The following MIA2 variants were observed in gnomAD, a reference collection of about 807,000 sequenced individuals.
The protein encoded by MIA2 is melanoma inhibitory activity protein 2.
In MIA2, 127 loss-of-function variants were observed where a neutral mutation model predicts 167.8. The observed-to-expected ratio is 0.76, with a 90% CI of 0.66 to 0.88. The LOEUF (loss-of-function observed/expected upper bound fraction) is 0.88. Among genes scored for constraint, MIA2 ranks in the 40% least tolerant of loss-of-function variants. The probability of loss-of-function intolerance (pLI) is 0.00; values close to 1 mark genes in which losing one functional copy is unlikely to be tolerated. For synonymous variants in MIA2, 552 were observed against 541.9 expected, an observed-to-expected ratio of 1.02 and a Z score of -0.26; for missense variants, 1,690 against 1,624.7, an observed-to-expected ratio of 1.04 and a Z score of -0.69.
intron 10 of MIA2, among the ~76,000 whole-genome samples, 177 bp downstream of exon 10, chr14:39,291,273 ATAT>A (rs1423549259): frequency 1.3e-5 from 2 of 152,240 alleles, no homozygotes; most frequent in African/African-American, 2.4e-5. Context: ...GTAGCATAAA[ATAT>A]TATAAAAATT....
At chr14:39,283,479 A>C (rs1485714656) in intron 9 of MIA2, among the ~76,000 whole-genome samples, 1 of 152,138 alleles carries the variant, frequency 6.6e-6, no homozygotes, top group Non-Finnish European at 1.5e-5. Context: ...TGAAGAAAAC[A>C]ATGTTATTCA....
At chr14:39,275,510 A>C (rs2057870539) in intron 6 of MIA2, among the ~76,000 whole-genome samples, 1 of 152,216 alleles carries the variant, frequency 6.6e-6, no homozygotes, top group African/African-American at 2.4e-5. Flanking sequence ...GAATCTAAGA[A>C]ATATTATTGT....
chr14:39,245,783 T>C (rs10140832), intron 3 of MIA2, among the ~76,000 whole-genome samples: 85,184 of 151,840 alleles, frequency 0.56, 24,664 homozygotes, highest in East Asian at 0.74. Context: ...CCCGCTCATG[T>C]AGTAATGGCA....
chr14:39,278,119 G>A (rs557294163), intron 7 of MIA2, among the ~76,000 whole-genome samples: 3 of 151,926 alleles, frequency 2.0e-5, no homozygotes, highest in Non-Finnish European at 2.9e-5. Flanking sequence ...GACTACAGGC[G>A]TGCACTACCA....
rs144877390 is a variant in MIA2 at position 39,327,016 on chromosome 14, C to T, written c.3649C>T (p.Pro1217Ser). 9.9e-6 allele frequency: 15 copies of T among 1,519,556 alleles called. No homozygotes were observed. Among genetic ancestry groups the T allele is most frequent in the Non-Finnish European group, 1.3e-5 (15 of 1,139,500 alleles). The allele number at this position is 1,519,556 out of a possible 1,614,324, so 94.1% of individuals were successfully genotyped here. Reference sequence around the variant, plus strand: ...CCAGGACCGTAGGATGATGTTTCCTCCGCCAGGTATGTAAAGACAATAGTT... The same window carrying T: ...CCAGGACCGTAGGATGATGTTTCCTTCGCCAGGTATGTAAAGACAATAGTT... ...WDQDRRMMFP[P>S]PGQSYPDSAL... The change falls in exon 25 of 29, where the codon CCG becomes TCG. Residue 1217 changes from proline to serine, a missense_variant. By Grantham distance (74) the Pro-to-Ser change is moderately conservative. Coordinates refer to ENST00000640607, the MANE Select transcript of MIA2 (RefSeq NM_001329214.4).
chr14:39,340,215 C>T (rs763876514), intron 25 of MIA2, among the ~76,000 whole-genome samples: 5 of 152,090 alleles, frequency 3.3e-5, no homozygotes, highest in African/African-American at 4.8e-5. Flanking sequence ...TGTGGTTTCT[C>T]CTTATTTTTG....
chr14:39,374,186 G>A (rs2075004080), intron 23 of MIA2, among the ~76,000 whole-genome samples: 1 of 152,158 alleles, frequency 6.6e-6, no homozygotes, highest in Non-Finnish European at 1.5e-5. Context: ...TCAAAGAAAT[G>A]GTAGCTGAGA....
intron 17 of MIA2, among the ~76,000 whole-genome samples, chr14:39,304,891 C>A (rs1377887353): frequency 6.6e-6 from 1 of 151,906 alleles, no homozygotes; most frequent in African/African-American, 2.4e-5. Flanking sequence ...TTTGTATTTT[C>A]AAAAAGTAAA....
intron 23 of MIA2, among the ~76,000 whole-genome samples, chr14:39,365,360 A>G (rs1049701950): frequency 6.6e-6 from 1 of 152,214 alleles, no homozygotes; most frequent in African/African-American, 2.4e-5. Context: ...GCACCCGGCC[A>G]TTAAATAGGT....
chr14:39,289,117 T>C (rs764424544), intron 9 of MIA2, among the ~76,000 whole-genome samples: 5 of 152,172 alleles, frequency 3.3e-5, no homozygotes, highest in Non-Finnish European at 5.9e-5. Context: ...TTTTCTTTGT[T>C]GGGAGGTCAG....
chr14:39,365,545 A>G (rs1251064077), intron 23 of MIA2, among the ~76,000 whole-genome samples: 1 of 152,068 alleles, frequency 6.6e-6, no homozygotes, highest in African/African-American at 2.4e-5. Flanking sequence ...AGGTTCTGAA[A>G]TTCTTTCCTC....
At position 39,247,626 on chromosome 14, in the gene MIA2, C is replaced by G. The variant is rs142210112; in HGVS notation, c.1052C>G (p.Ala351Gly). 14,046 of 1,613,608 alleles carry G rather than the reference C, an allele frequency of 8.7e-3. 87 individuals are homozygous for G. The highest frequency in any genetic ancestry group is 0.022 in the Middle Eastern group (136 of 6,060). ...AATTCCATATCATCTGATAAAGAAG[C>G]CACAGTTCCATGTACAGAAATATTA... ...FPNSISSDKE[A>G]TVPCTEILTE... Residue 351 changes from alanine (A) to glycine (G), a missense_variant, in exon 4 of 29, where the codon GCC (alanine) becomes GGC (glycine). Coordinates refer to ENST00000640607, the MANE Select transcript of MIA2 (RefSeq NM_001329214.4).
At chr14:39,365,633 C>T (rs1489434973) in intron 23 of MIA2, among the ~76,000 whole-genome samples, 1 of 149,728 alleles carries the variant, frequency 6.7e-6, no homozygotes, top group Non-Finnish European at 1.5e-5. Flanking sequence ...TCTAGGATAC[C>T]TGGGTTTTTA....
intron 23 of MIA2, among the ~76,000 whole-genome samples, chr14:39,359,403 A>G (rs1471661225): frequency 3.9e-5 from 6 of 152,034 alleles, no homozygotes; most frequent in Non-Finnish European, 8.8e-5. Context: ...CGTTGGAAAA[A>G]CGCAGTATTA....
At chr14:39,283,971 T>G (rs984604017) in intron 9 of MIA2, among the ~76,000 whole-genome samples, 2 of 152,146 alleles carry the variant, frequency 1.3e-5, no homozygotes, top group African/African-American at 4.8e-5. Context: ...CTTGTGTATA[T>G]TTTTATTTTT....
At chr14:39,301,045 C>CATATATACATATACAT (rs2062405544) in intron 14 of MIA2, among the ~76,000 whole-genome samples, 1 of 3,008 alleles carries the variant, frequency 3.3e-4, no homozygotes, top group African/African-American at 5.7e-4. Flanking sequence ...TACATACACA[C>CATATATACATATACAT]ACACACACAC....
rs985155443 is a variant in MIA2, at chr14:39,350,427, T to G, written c.*163T>G. 1.1e-4 allele frequency: 48 copies of G among 442,162 alleles called. No homozygotes were observed. Among genetic ancestry groups the G allele is most frequent in the Non-Finnish European group, 8.1e-6 (2 of 245,864 alleles). The allele number at this position is 442,162 out of a possible 1,614,324, so 27.4% of individuals were successfully genotyped here. On this transcript the variant is annotated 3_prime_UTR_variant, in exon 29 of 29. Coordinates refer to ENST00000640607, the MANE Select transcript of MIA2 (RefSeq NM_001329214.4). Reference sequence around the variant, plus strand: ...ATAAAGATGATTTAAATATGAATCTTATGAGTAAATTATTTCAATTTTATT... The same window carrying G: ...ATAAAGATGATTTAAATATGAATCTGATGAGTAAATTATTTCAATTTTATT...
At chr14:39,338,315 A>G (rs1163611209) in intron 25 of MIA2, among the ~76,000 whole-genome samples, 2 of 152,206 alleles carry the variant, frequency 1.3e-5, no homozygotes, top group African/African-American at 4.8e-5. Flanking sequence ...GGTGTGCAGG[A>G]TCTCTCTGTA....
intron 6 of MIA2, among the ~76,000 whole-genome samples, chr14:39,259,618 C>A (rs944464838): frequency 2.6e-5 from 4 of 151,548 alleles, no homozygotes; most frequent in Admixed American, 6.6e-5. Context: ...GCAGCCTCAG[C>A]CTGCTGGGCT....
Sources: gnomAD v4.1 joint callset for allele counts (sites outside exome capture counted in the v4.1 genomes callset) on GRCh38, gnomAD v4.1.1 for gene constraint, MANE v1.5 for transcripts, NCBI Gene and HGNC (gene_info 2026-07-23, HGNC 2026-07-21) for gene names.